Variants in GAK observed in about 807,000 individuals in gnomAD.
The protein encoded by GAK is cyclin-G-associated kinase.
Under a neutral mutation model 143.9 loss-of-function variants are expected in GAK, and 79 were observed. The ratio of observed to expected loss-of-function variants is 0.55; its 90% confidence interval spans 0.46 to 0.66. The LOEUF (loss-of-function observed/expected upper bound fraction) is 0.66, where lower values mean the gene tolerates loss of function less well. Among genes scored for constraint, GAK ranks in the 30% least tolerant of loss-of-function variants. The pLI, the probability that GAK is intolerant of heterozygous loss-of-function variation, is 0.00. For missense variants in GAK, 1,693 were observed against 1,779.7 expected (o/e 0.95, Z 0.88); for synonymous variants, 881 against 765.5 (o/e 1.15, Z -2.49).
intron 25 of GAK, 101 bp from the exon 26 acceptor site, chr4:851,185 C>T (rs1748077251): frequency 9.7e-7 from 1 of 1,026,202 alleles, no homozygotes. Context: ...GCAGCCTTTG[C>T]CTCCCGGCCT....
chr4:893,420 A>ATC lies in GAK; in HGVS notation c.945_946dup (p.Ile316ArgfsTer8). The ATC allele has an allele frequency of 1.3e-6, 2 of 1,591,504 alleles. No individual in the cohort carries two copies. Among genetic ancestry groups the ATC allele is most frequent in the Non-Finnish European group, 1.7e-6 (2 of 1,169,486 alleles). On this transcript the variant is annotated frameshift_variant, in exon 9 of 28. Transcript: ENST00000314167. LOFTEE classifies it high-confidence loss of function. Reference sequence around the variant, plus strand: ...GGGGTTCACGTTGCGGGCGGCCGCGATCTCCTGCAGCTGGTGCACCACCTC... The same window carrying ATC: ...GGGGTTCACGTTGCGGGCGGCCGCGATCTCTCCTGCAGCTGGTGCACCACCTC...
At position 859,594 on chromosome 4, in the gene GAK, C is replaced by CCT; in HGVS notation, c.3283+10_3283+11dup. On this transcript the variant is annotated intron_variant, in intron 24 of 27. Coordinates refer to ENST00000314167, the MANE Select transcript of GAK (RefSeq NM_005255.4). ...AACAGCTTCCACACCCCCAAAGTGC[C>CCT]CTCCACGTTACCTTGGAGGCCGGAG... The CCT allele has an allele frequency of 6.3e-7, 1 of 1,592,314 alleles. No homozygotes were observed. Among genetic ancestry groups the CCT allele is most frequent in the Non-Finnish European group, 8.6e-7 (1 of 1,161,958 alleles).
At chr4:849,831 A>AGGGGGGGGG in intron 27 of GAK, 57 bp from the exon 28 acceptor site, 15 of 998,958 alleles carry the variant, frequency 1.5e-5, no homozygotes, top group Non-Finnish European at 2.0e-5. Context: ...CGGGCGGGGC[A>AGGGGGGGGG]GGACCCCCCC....
chr4:869,130 A>G (rs1404897600), intron 19 of GAK: 1 of 202,092 alleles, frequency 4.9e-6, no homozygotes, highest in Non-Finnish European at 1.0e-5. Context: ...ATGCACAGAC[A>G]GCACACACAT....
intron 7 of GAK, 179 bp from the exon 8 acceptor site, chr4:894,188 A>T: frequency 2.0e-6 from 1 of 506,352 alleles, no homozygotes; most frequent in Non-Finnish European, 2.9e-6. Flanking sequence ...GATATCGGGA[A>T]CATGGGAAAT....
chr4:913,785 C>A (rs375423121), intron 1 of GAK, 117 bp from the exon 2 acceptor site: 78 of 860,412 alleles, frequency 9.1e-5, no homozygotes, highest in East Asian at 4.2e-4. Context: ...CAGCAGTTTT[C>A]TACAAAACAT....
chr4:858,619 A>T (rs75374083), intron 24 of GAK, among the ~76,000 whole-genome samples: 6,328 of 152,290 alleles, frequency 0.042, 147 homozygotes, highest in East Asian at 0.075. Context: ...CCCCAAAACC[A>T]CCTGAAACAT....
At chr4:907,877 G>A (rs994619324) in intron 4 of GAK, among the ~76,000 whole-genome samples, 1 of 152,264 alleles carries the variant, frequency 6.6e-6, no homozygotes, top group Middle Eastern at 3.4e-3. Flanking sequence ...GAGCTGGCGC[G>A]CGCATGCGTT....
At chr4:909,312 G>A (rs939767060) in intron 4 of GAK, among the ~76,000 whole-genome samples, 4 of 152,250 alleles carry the variant, frequency 2.6e-5, no homozygotes, top group African/African-American at 7.2e-5. Context: ...CCCTAGAAGC[G>A]CAGCGCAGGA....
chr4:899,751 C>G (rs891600451), intron 5 of GAK, among the ~76,000 whole-genome samples: 1 of 152,250 alleles, frequency 6.6e-6, no homozygotes, highest in Non-Finnish European at 1.5e-5. Context: ...CCACAGCGCC[C>G]TGCAGACCCC....
intron 5 of GAK, among the ~76,000 whole-genome samples, chr4:903,468 C>T (rs1455197796): frequency 6.6e-6 from 1 of 152,180 alleles, no homozygotes; most frequent in African/African-American, 2.4e-5. Flanking sequence ...CGCCAGGCTT[C>T]CTCCCAGCTC....
chr4:912,435 C>A (rs1039985126), intron 3 of GAK: 12 of 402,262 alleles, frequency 3.0e-5, no homozygotes, highest in Non-Finnish European at 5.7e-5. Flanking sequence ...CCGGGCCGGG[C>A]AAGGGCCCCC....
At chr4:913,121 C>T (rs1346065159) in intron 2 of GAK, among the ~76,000 whole-genome samples, 2 of 152,216 alleles carry the variant, frequency 1.3e-5, no homozygotes, top group African/African-American at 2.4e-5. Flanking sequence ...ACCACGACAA[C>T]AGGCCCACTC....
rs779670333 is a variant in GAK, at chr4:859,711, A to T, written c.3178T>A (p.Ser1060Thr). Residue 1060 changes from serine to threonine, a missense_variant, in exon 24 of 28, where the codon TCT becomes ACT. Coordinates refer to ENST00000314167, the MANE Select transcript of GAK (RefSeq NM_005255.4). The part of the protein sequence containing the change: ...PTPATEGPLF[S>T]PGGQPAPCGS... ...CAAGGGGCCGGCTGACCTCCAGGAG[A>T]GAAGAGGGGGCCTGGAGAAGGGGCA... 1.3e-6 allele frequency: 2 copies of T among 1,591,730 alleles called. No homozygotes were observed. Among genetic ancestry groups the T allele is most frequent in the East Asian group, 4.5e-5 (2 of 44,204 alleles).
At chr4:915,404 G>C (rs1042389929) in intron 1 of GAK, 7 of 164,642 alleles carry the variant, frequency 4.3e-5, no homozygotes, top group Non-Finnish European at 9.2e-5. Context: ...GACTGATCCA[G>C]AGAGAGAGGA....
chr4:904,924 G>C (rs1577253777), intron 4 of GAK, 145 bp from the exon 5 acceptor site: 1 of 747,482 alleles, frequency 1.3e-6, no homozygotes, highest in East Asian at 2.8e-5. Flanking sequence ...GACCAGAGGT[G>C]ACTCCCTTTG....
At chr4:850,622 C>G (rs775366773) in intron 26 of GAK, 2 of 237,830 alleles carry the variant, frequency 8.4e-6, no homozygotes, top group Non-Finnish European at 1.7e-5. Flanking sequence ...CACCCCGGGG[C>G]ACTCACTCCT....
Position 932,011 on chromosome 4 carries a change from G to T in GAK, c.145+32C>A. 6.7e-7 allele frequency: 1 copy of T among 1,484,962 alleles called. No homozygotes were observed. The highest frequency in any genetic ancestry group is 9.2e-7 in the Non-Finnish European group (1 of 1,084,232). The allele number at this position is 1,484,962 out of a possible 1,614,324, so 92.0% of individuals were successfully genotyped here. On this transcript the variant is annotated intron_variant, in intron 1 of 27. Transcript: ENST00000314167. This position sits in a 1 kb window ranked among gnomAD's most constrained non-coding sequence, Gnocchi z 4.0. ...AGCGTCCCGGAGACAACACTCCGCG[G>T]CCGCACCCGCGCTGCCGACCCGGGG... is the stretch of plus-strand genomic sequence containing the variant.
intron 23 of GAK, among the ~76,000 whole-genome samples, chr4:861,345 C>T (rs1344388169): frequency 6.6e-6 from 1 of 152,208 alleles, no homozygotes; most frequent in African/African-American, 2.4e-5. Context: ...GTTCCCAGCA[C>T]AGTGGGCAGC....
Sources: allele counts gnomAD v4.1 joint callset (sites outside exome capture counted in the v4.1 genomes callset), GRCh38; gene constraint gnomAD v4.1.1; non-coding constraint Gnocchi (gnomAD v3.1); transcripts MANE v1.5; gene names NCBI Gene and HGNC (gene_info 2026-07-23, HGNC 2026-07-21).